Variants in RD3 observed in about 807,000 individuals in gnomAD.
The protein encoded by RD3 is protein RD3.
Under a neutral mutation model 16.9 loss-of-function variants are expected in RD3, and 11 were observed. That is an observed-to-expected ratio of 0.65 (90% CI 0.41 to 1.08). The LOEUF is 1.08. Ranked by LOEUF, RD3 falls within the 50% of genes least tolerant of loss-of-function variation. RD3 has a pLI of 0.00. For synonymous variants in RD3, 116 were observed against 114.8 expected, an observed-to-expected ratio of 1.01 and a Z score of -0.07; for missense variants, 274 against 267.4, an observed-to-expected ratio of 1.02 and a Z score of -0.17.
chr1:211,482,358 C>T (rs1705289794), intron 1 of RD3, among the ~76,000 whole-genome samples: 1 of 151,948 alleles, frequency 6.6e-6, no homozygotes, highest in Non-Finnish European at 1.5e-5. Flanking sequence ...CAGGATCCTG[C>T]TCTCCAGGAG....
At position 211,478,965 on chromosome 1, in the gene RD3, C is replaced by A. The variant is rs1705204400; in HGVS notation, c.*71G>T. 4.2e-6 allele frequency: 6 copies of A among 1,430,546 alleles called. No homozygotes were observed. Among genetic ancestry groups the A allele is most frequent in the Non-Finnish European group, 9.3e-7 (1 of 1,078,480 alleles). The allele number at this position is 1,430,546 out of a possible 1,614,324, so 88.6% of individuals were successfully genotyped here. A position where few individuals can be genotyped will look rare whatever the true frequency, so the allele number is the denominator to read the frequency against. On this transcript the variant is annotated 3_prime_UTR_variant, in exon 3 of 3. Transcript: ENST00000680073. ...GCCTAGGTGGGGAGGTTCCAGGGCC[C>A]GGCGCTCCGGTCACCGGCCTATCAT...
chr1:211,481,058 G>A (rs1042043473), intron 2 of RD3, 62 bp downstream of exon 2: 155 of 1,574,450 alleles, frequency 9.8e-5, no homozygotes, highest in Non-Finnish European at 1.3e-4. Context: ...TCAGGCCCCT[G>A]CCACTGCAGC....
At chr1:211,484,419 T>C (rs1401951302) in intron 1 of RD3, among the ~76,000 whole-genome samples, 7 of 152,184 alleles carry the variant, frequency 4.6e-5, no homozygotes, top group Non-Finnish European at 1.0e-4. Context: ...AGCTTTTTTT[T>C]CTTCTTAATC....
rs1265572178 is a variant in RD3, at chr1:211,477,037, T to C, written c.*1999A>G. 1 of 151,988 alleles carries C rather than the reference T, an allele frequency of 6.6e-6. No individual in the cohort carries two copies. Among genetic ancestry groups the C allele is most frequent in the Admixed American group, 6.6e-5 (1 of 15,250 alleles). 9.4% of individuals were successfully genotyped at this position (151,988 alleles called of 1,614,324 possible). A position where few individuals can be genotyped will look rare whatever the true frequency, so the allele number is the denominator to read the frequency against. On this transcript the variant is annotated 3_prime_UTR_variant, in exon 3 of 3. Transcript: ENST00000680073. ...CTTACCAAGGGTCACTTCTGCTTGTTCCAAAACTCTTTTACGCCAGTTGTT... is the reference window on the plus strand; with the variant it reads ...CTTACCAAGGGTCACTTCTGCTTGTCCCAAAACTCTTTTACGCCAGTTGTT...
Position 211,479,232 on chromosome 1 carries a change from T to G in RD3, c.392A>C (p.Gln131Pro). 6.2e-7 allele frequency: 1 copy of G among 1,609,798 alleles called. No homozygotes were observed. The part of the protein sequence containing the change: ...VLQEVLERMK[Q>P]EEEAHKLTRQ... ...CGTCAGCTTGTGGGCCTCCTCTTCC[T>G]GCTTCATCCTCTCCAGGACCTCCTG... The change falls in exon 3 of 3, where the codon CAG (glutamine) becomes CCG (proline). Residue 131 changes from glutamine (Q) to proline (P), a missense_variant. By Grantham distance (76) the Gln-to-Pro change is moderately conservative (BLOSUM62 -1). Transcript: ENST00000680073.
chr1:211,479,919 G>C (rs1705228413), intron 2 of RD3, among the ~76,000 whole-genome samples: 1 of 152,110 alleles, frequency 6.6e-6, no homozygotes, highest in Non-Finnish European at 1.5e-5. Context: ...TGTTTACTCT[G>C]CCTAGGCTAT....
rs1329703663 is a variant in RD3 at position 211,479,282 on chromosome 1, C to T, written c.342G>A (p.Val114=). 2 of 1,604,214 alleles carry T rather than the reference C, an allele frequency of 1.2e-6. No homozygotes were observed. Among genetic ancestry groups the T allele is most frequent in the African/African-American group, 2.7e-5 (2 of 74,790 alleles). Residue 114 remains valine, a synonymous_variant, in exon 3 of 3, where the codon GTG becomes GTA. Transcript: ENST00000680073. Reference sequence around the variant, plus strand: ...GCAGCACCGAGCGGAAGAGCTGGGACACCTCCTGCACCTCGGGCTCCTGCT... The same window carrying T: ...GCAGCACCGAGCGGAAGAGCTGGGATACCTCCTGCACCTCGGGCTCCTGCT... ...LAEQEPEVQE[V]SQLFRSVLQE...
At chr1:211,486,052 G>A (rs1394981774) in intron 1 of RD3, among the ~76,000 whole-genome samples, 1 of 151,618 alleles carries the variant, frequency 6.6e-6, no homozygotes, top group Non-Finnish European at 1.5e-5. Flanking sequence ...GAGGTGGGAG[G>A]ATAACTTGAG....
chr1:211,488,948 G>A (rs937035381), intron 1 of RD3, among the ~76,000 whole-genome samples: 4 of 152,168 alleles, frequency 2.6e-5, no homozygotes, highest in African/African-American at 4.8e-5. Context: ...TTGATCACCA[G>A]CTCAGGTGGA....
intron 1 of RD3, among the ~76,000 whole-genome samples, chr1:211,484,898 G>C (rs1240869401): frequency 2.0e-5 from 3 of 152,218 alleles, no homozygotes; most frequent in African/African-American, 7.2e-5. Flanking sequence ...AGGGTTGCTC[G>C]CTGGCAGTGC....
Position 211,478,317 on chromosome 1 carries a change from G to C in RD3, c.*719C>G. 2.5e-6 allele frequency: 1 copy of C among 397,174 alleles called. No individual in the cohort carries two copies. Among genetic ancestry groups the C allele is most frequent in the Non-Finnish European group, 4.4e-6 (1 of 225,678 alleles). The allele number at this position is 397,174 out of a possible 1,614,324, so 24.6% of individuals were successfully genotyped here. A position where few individuals can be genotyped will look rare whatever the true frequency, so the allele number is the denominator to read the frequency against. On this transcript the variant is annotated 3_prime_UTR_variant, in exon 3 of 3. Coordinates refer to ENST00000680073, the MANE Select transcript of RD3 (RefSeq NM_001164688.2). ...AAGGTAAGAGATGGATCAGGCCACA[G>C]GTAGGTAGAGATGTAGCCTTTGGAC...
rs945914552 is a variant in RD3 at position 211,490,491 on chromosome 1, A to G, written c.-12+1277T>C. Among the ~76,000 whole-genome samples, 8 of 152,348 alleles carry G rather than the reference A, an allele frequency of 5.3e-5. No homozygotes were observed. The East Asian group carries it at 1.5e-3, about 29-fold the overall frequency. On this transcript the variant is annotated intron_variant, in intron 1 of 2. Coordinates refer to ENST00000680073, the MANE Select transcript of RD3 (RefSeq NM_001164688.2). ...AGCAGCACCTGAGTCAGGCTGTCCC[A>G]GAGCACTGGCAGCTTCACTGCAGGG...
intron 1 of RD3, among the ~76,000 whole-genome samples, chr1:211,482,586 C>G (rs771136067): frequency 1.6e-4 from 24 of 151,824 alleles, no homozygotes; most frequent in Non-Finnish European, 3.4e-4. Flanking sequence ...CAAGGTGAGA[C>G]AGGTGGAGGT....
Position 211,481,156 on chromosome 1 carries a change from T to G in RD3, c.260A>C (p.Lys87Thr), listed in dbSNP as rs1375539637. ...AGGCCCACAATAGGATGGGTGGATCTTAACGCAGACATCTTCCAGCTGCAA... is the reference window on the plus strand; with the variant it reads ...AGGCCCACAATAGGATGGGTGGATCGTAACGCAGACATCTTCCAGCTGCAA... ...ERLQLEDVCVKIHPSYCGPAI... is the reference protein window; with the variant it reads ...ERLQLEDVCVTIHPSYCGPAI... Residue 87 changes from lysine to threonine, a missense_variant, in exon 2 of 3, where the codon AAG becomes ACG. Transcript: ENST00000680073. 1 of 1,614,278 alleles carries G rather than the reference T, an allele frequency of 6.2e-7. No homozygotes were observed. The highest frequency in any genetic ancestry group is 8.5e-7 in the Non-Finnish European group (1 of 1,180,050).
chr1:211,486,225 CTGGGTGTGG>C (rs1479080377), intron 1 of RD3, among the ~76,000 whole-genome samples: 1 of 151,074 alleles, frequency 6.6e-6, no homozygotes, highest in African/African-American at 2.4e-5. Context: ...GAAAAAAAGG[CTGGGTGTGG>C]TGGCTCACAC....
At chr1:211,487,986 G>A (rs1351494945) in intron 1 of RD3, among the ~76,000 whole-genome samples, 1 of 152,228 alleles carries the variant, frequency 6.6e-6, no homozygotes, top group East Asian at 1.9e-4. Flanking sequence ...CTGGGCCTCG[G>A]CTGTGTAAGC....
chr1:211,481,332 C>T lies in RD3; in HGVS notation c.84G>A (p.Thr28=), dbSNP rs61740158. 1.8e-3 allele frequency: 2,906 copies of T among 1,614,184 alleles called. 48 individuals are homozygous for T. The African/African-American group carries it at 0.03, about 17-fold the overall frequency. Residue 28 remains threonine (T), a synonymous_variant, in exon 2 of 3, where the codon ACG becomes ACA. Transcript: ENST00000680073. ...TCTGCCCCGTCAGCTCCATCATAAG[C>T]GTCTCCAGCACCATCTCAGCAGGGC... The part of the protein sequence containing the change: ...TRSPAEMVLE[T]LMMELTGQMR...
At chr1:211,489,346 G>C (rs1705438725) in intron 1 of RD3, among the ~76,000 whole-genome samples, 1 of 151,850 alleles carries the variant, frequency 6.6e-6, no homozygotes, top group African/African-American at 2.4e-5. Flanking sequence ...CTTTAGTTAT[G>C]AATGAGGGTC....
chr1:211,481,346 T>C lies in RD3; in HGVS notation c.70A>G (p.Met24Val), dbSNP rs780602217. ...TCCATCATAAGCGTCTCCAGCACCA[T>C]CTCAGCAGGGCTCCTGGTGGACAGC... Reference protein sequence around the residue: ...SRLSTRSPAEMVLETLMMELT... With the variant: ...SRLSTRSPAEVVLETLMMELT... The change falls in exon 2 of 3, where the codon ATG becomes GTG. Residue 24 changes from methionine (M) to valine (V), a missense_variant. Met to Val is a conservative substitution (Grantham distance 21). Transcript: ENST00000680073. The C allele has an allele frequency of 8.7e-6, 14 of 1,614,070 alleles. No individual in the cohort carries two copies. In the East Asian group the frequency reaches 2.7e-4, roughly 31 times the overall value.
Sources: gnomAD v4.1 joint callset for allele counts (sites outside exome capture counted in the v4.1 genomes callset) on GRCh38, gnomAD v4.1.1 for gene constraint, MANE v1.5 for transcripts, NCBI Gene and HGNC (gene_info 2026-07-23, HGNC 2026-07-21) for gene names.